Variants in GLRA1 observed in about 807,000 individuals in gnomAD.
GLRA1 encodes glycine receptor subunit alpha-1.
Under a neutral mutation model 48.3 loss-of-function variants are expected in GLRA1, and 37 were observed. The ratio of observed to expected loss-of-function variants is 0.77; its 90% CI spans 0.59 to 1.01. The LOEUF (loss-of-function observed/expected upper bound fraction) is 1.01, where lower values mean the gene tolerates loss of function less well. GLRA1 is among the 50% of genes least tolerant of loss of function. The pLI is 0.00. For synonymous variants in GLRA1, 196 were observed against 210.7 expected, an observed-to-expected ratio of 0.93 and a Z score of 0.60; for missense variants, 427 against 571.0, an observed-to-expected ratio of 0.75 and a Z score of 2.57.
intron 4 of GLRA1, among the ~76,000 whole-genome samples, chr5:151,857,602 C>A (rs1400666357): frequency 6.6e-6 from 1 of 152,322 alleles, no homozygotes; most frequent in African/African-American, 2.4e-5. Flanking sequence ...GGTGTCCAGA[C>A]ACAGTTGACT....
At chr5:151,856,669 C>A (rs1753054624) in intron 4 of GLRA1, among the ~76,000 whole-genome samples, 1 of 152,060 alleles carries the variant, frequency 6.6e-6, no homozygotes, top group Non-Finnish European at 1.5e-5. Context: ...TAGGCATCTG[C>A]CACCATGCCT....
At chr5:151,825,680 A>G (rs1286730492) in intron 8 of GLRA1, among the ~76,000 whole-genome samples, 2 of 152,192 alleles carry the variant, frequency 1.3e-5, no homozygotes, top group African/African-American at 2.4e-5. Flanking sequence ...GCTCACAGAT[A>G]TGGTTTCCTG....
At position 151,848,926 on chromosome 5, in the gene GLRA1, G is replaced by A. The variant is rs897238955; in HGVS notation, c.912+2464C>T. 5.4e-5 allele frequency: 38 copies of A among 705,370 alleles called. No homozygotes were observed. In the African/African-American group the frequency reaches 6.5e-4, roughly 12 times the overall value. 43.7% of individuals were successfully genotyped at this position (705,370 alleles called of 1,614,324 possible). A position where few individuals can be genotyped will look rare whatever the true frequency, so the allele number is the denominator to read the frequency against. ...ATTCCCACTTAAACAAAGGTATTAA[G>A]CAGGTGTACATGTCCCTGTCTCAGG... is the stretch of plus-strand genomic sequence containing the variant. On this transcript the variant is annotated intron_variant, in intron 7 of 8. Coordinates refer to ENST00000274576, the MANE Select transcript of GLRA1 (RefSeq NM_000171.4).
Position 151,872,084 on chromosome 5 carries a change from A to G in GLRA1, c.253-12076T>C, listed in dbSNP as rs999068150. ...CTGAGACTAGAGACTAGAAATGCAT[A>G]CATGGGGATTTAGTTTATGAAAAAG... is the stretch of plus-strand genomic sequence containing the variant. On this transcript the variant is annotated intron_variant, in intron 3 of 8. Transcript: ENST00000274576. Among the ~76,000 whole-genome samples the G allele has an allele frequency of 2.0e-5, 3 of 149,790 alleles. 1 individual carries two copies. The highest frequency in any genetic ancestry group is 7.7e-5 in the African/African-American group (3 of 39,076).
intron 7 of GLRA1, among the ~76,000 whole-genome samples, chr5:151,843,776 A>G (rs1470826712): frequency 6.6e-6 from 1 of 152,236 alleles, no homozygotes; most frequent in Admixed American, 6.5e-5. Context: ...CAGTCCATTT[A>G]TAGGTCAGTT....
At chr5:151,851,234 G>A (rs1752900221) in intron 7 of GLRA1, among the ~76,000 whole-genome samples, 156 bp downstream of exon 7, 1 of 152,212 alleles carries the variant, frequency 6.6e-6, no homozygotes. Flanking sequence ...GATCAGAAAA[G>A]TGTAGAACCT....
At chr5:151,833,561 T>C (rs904839444) in intron 7 of GLRA1, among the ~76,000 whole-genome samples, 6 of 152,250 alleles carry the variant, frequency 3.9e-5, no homozygotes, top group Middle Eastern at 3.4e-3. Flanking sequence ...CCTCCTGGGT[T>C]CAAGCGATTC....
chr5:151,865,125 TG>T (rs1753298599), intron 3 of GLRA1, among the ~76,000 whole-genome samples: 1 of 152,200 alleles, frequency 6.6e-6, no homozygotes, highest in Admixed American at 6.5e-5. Flanking sequence ...AACATTTAAC[TG>T]AGCTCTCTTA....
At chr5:151,841,990 G>C (rs546890673) in intron 7 of GLRA1, among the ~76,000 whole-genome samples, 3 of 151,464 alleles carry the variant, frequency 2.0e-5, no homozygotes, top group Non-Finnish European at 4.4e-5. Context: ...CCAGGAGTTG[G>C]AGGTTGCCGT....
At chr5:151,853,646 CA>C (rs1431182204) in intron 6 of GLRA1, among the ~76,000 whole-genome samples, 1 of 152,018 alleles carries the variant, frequency 6.6e-6, no homozygotes, top group Non-Finnish European at 1.5e-5. Flanking sequence ...TATTTTCTCC[CA>C]TTCTGTGGGT....
chr5:151,862,910 C>T (rs1017459016), intron 3 of GLRA1, among the ~76,000 whole-genome samples: 2 of 152,140 alleles, frequency 1.3e-5, no homozygotes, highest in Non-Finnish European at 2.9e-5. Context: ...CAATGTCACT[C>T]TGAAAATGTA....
At chr5:151,826,351 T>C (rs1426337040) in intron 8 of GLRA1, among the ~76,000 whole-genome samples, 1 of 152,170 alleles carries the variant, frequency 6.6e-6, no homozygotes, top group Non-Finnish European at 1.5e-5. Context: ...CGGCTACTAG[T>C]TTTTGACCTT....
intron 1 of GLRA1, among the ~76,000 whole-genome samples, chr5:151,900,888 A>C (rs1383359218): frequency 6.6e-6 from 1 of 152,212 alleles, no homozygotes; most frequent in African/African-American, 2.4e-5. Flanking sequence ...CATGAAGTAC[A>C]GAGCCTGGCA....
rs767322398 is a variant in GLRA1, at chr5:151,822,969, A to G, written c.1060-6T>C. On this transcript the variant is annotated splice_region_variant and splice_polypyrimidine_tract_variant and intron_variant, in intron 8 of 8. Coordinates refer to ENST00000274576, the MANE Select transcript of GLRA1 (RefSeq NM_000171.4). Reference sequence around the variant, plus strand: ...CCTTCTCCAGCTTCATCCTCCTGGAATAGATTCAACATGGGGCTCTACTTA... The same window carrying G: ...CCTTCTCCAGCTTCATCCTCCTGGAGTAGATTCAACATGGGGCTCTACTTA... 6.3e-6 allele frequency: 10 copies of G among 1,596,994 alleles called. No homozygotes were observed. In the South Asian group the frequency reaches 1.1e-4, roughly 18 times the overall value.
chr5:151,889,839 A>C (rs1754014699), intron 2 of GLRA1, among the ~76,000 whole-genome samples: 1 of 152,110 alleles, frequency 6.6e-6, no homozygotes, highest in Admixed American at 6.5e-5. Context: ...GCCTCAGTAC[A>C]AAGGAGGGCA....
At chr5:151,902,810 G>C (rs1444572804) in intron 1 of GLRA1, among the ~76,000 whole-genome samples, 2 of 152,148 alleles carry the variant, frequency 1.3e-5, no homozygotes, top group East Asian at 3.9e-4. Context: ...AACCCTTTGA[G>C]TTGGGGTGTA....
At chr5:151,869,585 A>T (rs1390380801) in intron 3 of GLRA1, among the ~76,000 whole-genome samples, 2 of 148,474 alleles carry the variant, frequency 1.3e-5, no homozygotes, top group Non-Finnish European at 2.9e-5. Context: ...CTTGGTGGCA[A>T]GCACTGGTAA....
chr5:151,872,325 G>A (rs1753505205), intron 3 of GLRA1, among the ~76,000 whole-genome samples: 1 of 149,328 alleles, frequency 6.7e-6, no homozygotes, highest in South Asian at 2.1e-4. Context: ...GATTCACTAG[G>A]AATCTGAAGT....
At chr5:151,898,562 A>G (rs906398830) in intron 1 of GLRA1, among the ~76,000 whole-genome samples, 2 of 152,070 alleles carry the variant, frequency 1.3e-5, no homozygotes, top group Non-Finnish European at 2.9e-5. Flanking sequence ...CCTCCAGTCA[A>G]TTCCCTCTCC....
Sources: gnomAD v4.1 joint callset for allele counts (sites outside exome capture counted in the v4.1 genomes callset) on GRCh38, gnomAD v4.1.1 for gene constraint, MANE v1.5 for transcripts, NCBI Gene and HGNC (gene_info 2026-07-23, HGNC 2026-07-21) for gene names.